The following CTNNA2 variants were observed in gnomAD, a reference collection of about 807,000 sequenced individuals.
CTNNA2 encodes catenin alpha 2.
Under a neutral mutation model 101.0 loss-of-function variants are expected in CTNNA2, and 42 were observed. The ratio of observed to expected loss-of-function variants is 0.42; its 90% CI spans 0.32 to 0.54. CTNNA2 has a LOEUF of 0.54. Ranked by LOEUF, CTNNA2 falls within the 20% of genes least tolerant of loss-of-function variation. CTNNA2 has a pLI of 0.14. For missense variants in CTNNA2, 871 were observed against 1,223.1 expected, an observed-to-expected ratio of 0.71 and a Z score of 4.29; for synonymous variants, 450 against 456.4, an observed-to-expected ratio of 0.99 and a Z score of 0.18.
At chr2:79,542,147 A>G (rs1014098177) in intron 1 of CTNNA2, among the ~76,000 whole-genome samples, 3 of 152,222 alleles carry the variant, frequency 2.0e-5, no homozygotes, top group Middle Eastern at 3.4e-3. Context: ...TGTTCTCAGC[A>G]CTGCTAAACT....
At chr2:80,313,428 C>T in intron 7 of CTNNA2, 1 of 1,476,448 alleles carries the variant, frequency 6.8e-7, no homozygotes, top group Non-Finnish European at 9.0e-7. Flanking sequence ...GTTCACAGTT[C>T]TGGAGTGGAG....
chr2:79,914,767 A>G (rs992721644), intron 7 of CTNNA2, among the ~76,000 whole-genome samples: 1 of 151,600 alleles, frequency 6.6e-6, no homozygotes, highest in African/African-American at 2.4e-5. Context: ...ATTTTTTTAA[A>G]TTTTGGATCC....
chr2:79,462,587 C>T (rs889576912), intron 4 of CTNNA2, among the ~76,000 whole-genome samples: 2 of 152,164 alleles, frequency 1.3e-5, no homozygotes, highest in East Asian at 1.9e-4. Flanking sequence ...TAAGCTATGT[C>T]AGTATAGGAA....
intron 15 of CTNNA2, among the ~76,000 whole-genome samples, chr2:80,602,436 C>T (rs1258599319): frequency 2.0e-5 from 3 of 151,950 alleles, no homozygotes; most frequent in Non-Finnish European, 2.9e-5. Flanking sequence ...TTGAAATACA[C>T]AATTGTTAGC....
rs112855910 is a variant in CTNNA2 at position 80,074,090 on chromosome 2, T to C, written c.1056+164293T>C. On this transcript the variant is annotated intron_variant, in intron 7 of 18. Transcript: ENST00000402739. ...ATCACCAAATGATTTTTGAAAATAA[T>C]GTTAGGAAAAAGACATTTCATTCAA... 3.8e-3 allele frequency among the ~76,000 whole-genome samples: 584 copies of C among 152,286 alleles called. 5 individuals carry two copies. The highest frequency in any genetic ancestry group is 0.014 in the African/African-American group (563 of 41,552).
intron 6 of CTNNA2, among the ~76,000 whole-genome samples, chr2:79,894,343 A>C (rs1684547188): frequency 1.4e-5 from 2 of 145,714 alleles, no homozygotes; most frequent in South Asian, 2.3e-4. Flanking sequence ...CGCCCCACCA[A>C]CTCCTTCCCT....
chr2:79,698,772 A>G (rs970066183), intron 2 of CTNNA2, among the ~76,000 whole-genome samples: 1 of 152,058 alleles, frequency 6.6e-6, no homozygotes, highest in African/African-American at 2.4e-5. Context: ...TGATCTTGAG[A>G]TAAATGTAGC....
At chr2:79,982,228 A>ATATG (rs1691352286) in intron 7 of CTNNA2, among the ~76,000 whole-genome samples, 1 of 99,692 alleles carries the variant, frequency 1.0e-5, no homozygotes, top group African/African-American at 4.7e-5. Context: ...ATATATATAT[A>ATATG]TATATATATA....
chr2:79,517,276 A>G (rs1245250568), intron 1 of CTNNA2, among the ~76,000 whole-genome samples: 1 of 152,188 alleles, frequency 6.6e-6, no homozygotes, highest in African/African-American at 2.4e-5. Context: ...ATGGATTTCC[A>G]GAAAATTTTA....
chr2:79,573,423 C>T (rs1455604069), intron 1 of CTNNA2, among the ~76,000 whole-genome samples: 1 of 152,180 alleles, frequency 6.6e-6, no homozygotes, highest in African/African-American at 2.4e-5. Flanking sequence ...AGTGGACTAA[C>T]TTAAAGCCTG....
intron 4 of CTNNA2, among the ~76,000 whole-genome samples, chr2:79,474,525 T>G: frequency 6.6e-6 from 1 of 152,066 alleles, no homozygotes; most frequent in East Asian, 1.9e-4. Flanking sequence ...CCACAGAAAT[T>G]TACACCACAA....
intron 2 of CTNNA2, among the ~76,000 whole-genome samples, chr2:79,299,564 T>G (rs185640774): frequency 6.6e-4 from 100 of 152,296 alleles, no homozygotes; most frequent in Non-Finnish European, 9.6e-4. Flanking sequence ...AATCCCAAAC[T>G]AAATAAATTG....
chr2:79,932,911 T>C (rs1366331130), intron 7 of CTNNA2, among the ~76,000 whole-genome samples: 1 of 152,180 alleles, frequency 6.6e-6, no homozygotes, highest in African/African-American at 2.4e-5. Flanking sequence ...TCTACTGTAA[T>C]AGTGTGCATT....
At chr2:79,832,177 C>T (rs760938445) in intron 3 of CTNNA2, among the ~76,000 whole-genome samples, 5 of 152,174 alleles carry the variant, frequency 3.3e-5, no homozygotes, top group Admixed American at 6.5e-5. Context: ...CGGCCTGTGT[C>T]GCCTATGGCC....
intron 4 of CTNNA2, among the ~76,000 whole-genome samples, chr2:79,868,579 T>C (rs952315513): frequency 3.9e-5 from 6 of 152,264 alleles, no homozygotes; most frequent in Non-Finnish European, 7.3e-5. Flanking sequence ...AATCTATGGT[T>C]ATTTTCAGCC....
chr2:79,403,885 A>T (rs1369278149), intron 4 of CTNNA2, among the ~76,000 whole-genome samples: 3 of 151,982 alleles, frequency 2.0e-5, no homozygotes, highest in Non-Finnish European at 4.4e-5. Flanking sequence ...TTAAGAATAG[A>T]TATCCTAGCA....
Position 79,974,092 on chromosome 2 carries a change from G to A in CTNNA2, c.1056+64295G>A, listed in dbSNP as rs55757144. Among the ~76,000 whole-genome samples the A allele has an allele frequency of 6.4e-3, 969 of 152,084 alleles. 10 individuals are homozygous for A. Among genetic ancestry groups the A allele is most frequent in the African/African-American group, 0.02 (837 of 41,488 alleles). ...TTTGTCGCCATCTTCAACTCTTTTT[G>A]TCATTTTTTTTAAACACAGATAACT... On this transcript the variant is annotated intron_variant, in intron 7 of 18. Transcript: ENST00000402739.
At chr2:80,337,994 CTT>C (rs59516673) in intron 7 of CTNNA2, among the ~76,000 whole-genome samples, 3 of 145,226 alleles carry the variant, frequency 2.1e-5, no homozygotes. Context: ...GTTTACTTTT[CTT>C]TTTTTTTTTT....
At chr2:79,561,245 T>A (rs1674762261) in intron 1 of CTNNA2, among the ~76,000 whole-genome samples, 1 of 151,944 alleles carries the variant, frequency 6.6e-6, no homozygotes, top group Non-Finnish European at 1.5e-5. Flanking sequence ...TGTTGTAGCA[T>A]TTATAAATAT....
Sources: gnomAD v4.1 joint callset for allele counts (sites outside exome capture counted in the v4.1 genomes callset) on GRCh38, gnomAD v4.1.1 for gene constraint, MANE v1.5 for transcripts, NCBI Gene and HGNC (gene_info 2026-07-23, HGNC 2026-07-21) for gene names.